LTF: variants seen among roughly 807,000 people sequenced by gnomAD.
LTF encodes the protein epididymis luminal protein 110.
Under a neutral mutation model 87.2 loss-of-function variants are expected in LTF, and 91 were observed. That is an observed-to-expected ratio of 1.04 (90% confidence interval 0.88 to 1.24). The LOEUF (loss-of-function observed/expected upper bound fraction) is 1.24, where lower values mean the gene tolerates loss of function less well. LTF is among the 50% of genes most tolerant of loss of function. The pLI is 0.00. For missense variants in LTF, 901 were observed against 904.3 expected (o/e 1.00, Z 0.05); for synonymous variants, 378 against 356.1 (o/e 1.06, Z -0.69).
intron 6 of LTF, among the ~76,000 whole-genome samples, chr3:46,451,515 G>A (rs967400184): frequency 1.1e-4 from 17 of 152,162 alleles, no homozygotes; most frequent in South Asian, 6.2e-4. Context: ...GATGCAGAAC[G>A]ATTGTTTATG....
chr3:46,473,512 A>G (rs546517035), intron 1 of LTF, among the ~76,000 whole-genome samples: 1 of 152,386 alleles, frequency 6.6e-6, no homozygotes, highest in Non-Finnish European at 1.5e-5. Context: ...CAAATGTATT[A>G]TCTTACAATG....
At chr3:46,482,584 G>A (rs71327072) in intron 1 of LTF, among the ~76,000 whole-genome samples, 2 of 99,980 alleles carry the variant, frequency 2.0e-5, no homozygotes, top group African/African-American at 3.2e-5. Context: ...GGAAAGGAAG[G>A]GAGAAAGAGA....
chr3:46,471,871 T>C (rs1262344519), intron 1 of LTF, among the ~76,000 whole-genome samples: 4 of 152,168 alleles, frequency 2.6e-5, no homozygotes, highest in Non-Finnish European at 4.4e-5. Flanking sequence ...GTGCCAATGA[T>C]GAGCAAAAAG....
chr3:46,457,517 A>G (rs1034589641), intron 2 of LTF, among the ~76,000 whole-genome samples: 1 of 152,206 alleles, frequency 6.6e-6, no homozygotes, highest in African/African-American at 2.4e-5. Context: ...TGCCGTTGCC[A>G]TTCTGCTTCC....
exon 2 of LTF, chr3:46,470,397 G>A (rs947857580): frequency 6.6e-6 from 1 of 152,388 alleles, no homozygotes; most frequent in African/African-American, 2.4e-5. Context: ...CTCCTACAAG[G>A]TTGCATTCTG....
At chr3:46,443,411 C>T (rs973510824) in intron 13 of LTF, 30 bp downstream of exon 13, 6 of 1,613,198 alleles carry the variant, frequency 3.7e-6, no homozygotes, top group Non-Finnish European at 5.1e-6. Context: ...GGTAAGTCCC[C>T]ATCCTGATGG....
At position 46,439,497 on chromosome 3, in the gene LTF, G is replaced by A. The variant is rs1241512078; in HGVS notation, c.1724-17C>T. 6.3e-7 allele frequency: 1 copy of A among 1,589,536 alleles called. No homozygotes were observed. Among genetic ancestry groups the A allele is most frequent in the Non-Finnish European group, 8.6e-7 (1 of 1,165,752 alleles). On this transcript the variant is annotated splice_polypyrimidine_tract_variant and intron_variant, in intron 14 of 16. Coordinates refer to ENST00000231751, the MANE Select transcript of LTF (RefSeq NM_002343.6). ...TGTTATTTCCTGGGGAGAAAAAGAA[G>A]GTGGCATCATCCACGCCTCCCCTGC...
upstream of LTF, among the ~76,000 whole-genome samples, chr3:46,468,922 C>G (rs1460855739): frequency 6.6e-6 from 1 of 152,202 alleles, no homozygotes; most frequent in Admixed American, 6.5e-5. Context: ...AGGGCTTCCT[C>G]CTTCCACACC....
chr3:46,454,741 A>G (rs1048677811), intron 5 of LTF, among the ~76,000 whole-genome samples: 5 of 152,136 alleles, frequency 3.3e-5, no homozygotes, highest in Non-Finnish European at 7.4e-5. Context: ...CTCCCTCTGC[A>G]AAAATACGCT....
At chr3:46,470,320 A>T (rs1468226523) in intron 2 of LTF, 3 of 152,320 alleles carry the variant, frequency 2.0e-5, no homozygotes, top group Non-Finnish European at 4.4e-5. Context: ...TCCCAGAAGG[A>T]ATGAGGCCCT....
chr3:46,474,533 CA>C (rs1703334285), intron 1 of LTF, among the ~76,000 whole-genome samples: 1 of 152,192 alleles, frequency 6.6e-6, no homozygotes, highest in Admixed American at 6.5e-5. Context: ...CCTCTACCAA[CA>C]ACTGATAGAA....
Position 46,443,585 on chromosome 3 carries a change from G to A in LTF, c.1514-3C>T, listed in dbSNP as rs750123279. The A allele has an allele frequency of 2.5e-6, 4 of 1,614,036 alleles. No individual in the cohort carries two copies. Among genetic ancestry groups the A allele is most frequent in the Non-Finnish European group, 3.4e-6 (4 of 1,180,020 alleles). ...ACAGCTTTGACTGAAATATTCATCT[G>A]GAGAGAAGGAACACGGGGAGTCAGC... On this transcript the variant is annotated splice_region_variant and splice_polypyrimidine_tract_variant and intron_variant, in intron 12 of 16. Coordinates refer to ENST00000231751, the MANE Select transcript of LTF (RefSeq NM_002343.6).
In LTF at chr3:46,446,474, G is replaced by A. The variant is rs1702657326; in HGVS notation, c.1323C>T (p.Asp441=). ...GTCTATCCACACAGTTAGGATCAGG[G>A]TCACTGCTTTGTTGGGATTCTGAAA... ...AENYKSQQSS[D]PDPNCVDRPV... The change falls in exon 11 of 17, where the codon GAC becomes GAT. Residue 441 remains aspartate (D), a synonymous_variant. Transcript: ENST00000231751. The A allele has an allele frequency of 4.3e-6, 7 of 1,613,892 alleles. No individual in the cohort carries two copies. Among genetic ancestry groups the A allele is most frequent in the Non-Finnish European group, 5.9e-6 (7 of 1,179,896 alleles).
intron 1 of LTF, among the ~76,000 whole-genome samples, chr3:46,481,644 G>A (rs753013161): frequency 2.6e-5 from 4 of 152,140 alleles, no homozygotes; most frequent in African/African-American, 4.8e-5. Flanking sequence ...ATAGCTACTC[G>A]GGAGGCTGAG....
intron 1 of LTF, among the ~76,000 whole-genome samples, chr3:46,479,877 G>A (rs952199094): frequency 1.3e-5 from 2 of 152,154 alleles, no homozygotes; most frequent in East Asian, 1.9e-4. Flanking sequence ...TGAGATGGCT[G>A]GATTCTTGAC....
Position 46,456,340 on chromosome 3 carries a change from G to T in LTF, c.266C>A (p.Ala89Asp), listed in dbSNP as rs774657325. 6.2e-7 allele frequency: 1 copy of T among 1,614,142 alleles called. No homozygotes were observed. Among genetic ancestry groups the T allele is most frequent in the Non-Finnish European group, 8.5e-7 (1 of 1,180,026 alleles). ...DGGFIYEAGL[A>D]PYKLRPVAAE... ...CGCTACAGGTCGCAGTTTGTAGGGG[G>T]CCAGGCCTGCCTCGTATATGAAACC... The change falls in exon 3 of 17, where the codon GCC becomes GAC. Residue 89 changes from alanine to aspartate, a missense_variant. By Grantham distance (126) the Ala-to-Asp change is moderately radical. Transcript: ENST00000231751.
Position 46,455,892 on chromosome 3 carries a change from G to A in LTF, c.403C>T (p.His135Tyr), listed in dbSNP as rs1476491217. Residue 135 changes from histidine (H) to tyrosine (Y), a missense_variant, in exon 4 of 17, where the codon CAC becomes TAC. His to Tyr is a moderately conservative substitution (Grantham distance 83). Transcript: ENST00000231751. ...CCAGCGGTCCTGCGAAGGCCTGTGTGGCAGGACTTCAGACCTTGCAGTTCG... is the reference window on the plus strand; with the variant it reads ...CCAGCGGTCCTGCGAAGGCCTGTGTAGCAGGACTTCAGACCTTGCAGTTCG... Reference protein sequence around the residue: ...LNELQGLKSCHTGLRRTAGWN... With the variant: ...LNELQGLKSCYTGLRRTAGWN... 1 of 1,613,610 alleles carries A rather than the reference G, an allele frequency of 6.2e-7. No homozygotes were observed. Among genetic ancestry groups the A allele is most frequent in the Non-Finnish European group, 8.5e-7 (1 of 1,179,836 alleles).
At chr3:46,458,094 C>A (rs982817934) in intron 2 of LTF, among the ~76,000 whole-genome samples, 19 of 152,048 alleles carry the variant, frequency 1.2e-4, no homozygotes, top group Non-Finnish European at 1.8e-4. Context: ...TTGAGTTATT[C>A]TTTTATAGAG....
At chr3:46,484,786 C>T (rs987060147) in intron 1 of LTF, among the ~76,000 whole-genome samples, 1 of 152,200 alleles carries the variant, frequency 6.6e-6, no homozygotes, top group Non-Finnish European at 1.5e-5. Flanking sequence ...GTGTCTCACC[C>T]CATGCCCCTA....
Sources: allele counts gnomAD v4.1 joint callset (sites outside exome capture counted in the v4.1 genomes callset), GRCh38; gene constraint gnomAD v4.1.1; transcripts MANE v1.5; gene names NCBI Gene and HGNC (gene_info 2026-07-23, HGNC 2026-07-21).